The following KIF23 variants were observed in gnomAD, a reference collection of about 807,000 sequenced individuals.
The protein encoded by KIF23 is kinesin family member 23.
In KIF23, 30 loss-of-function variants were observed where a neutral mutation model predicts 137.5. The observed-to-expected ratio is 0.22, with a 90% CI of 0.16 to 0.30. The LOEUF (loss-of-function observed/expected upper bound fraction) is 0.30, where lower values mean the gene tolerates loss of function less well. Among genes scored for constraint, KIF23 ranks in the 10% least tolerant of loss-of-function variants. The probability of loss-of-function intolerance (pLI) is 1.00; values close to 1 mark genes in which losing one functional copy is unlikely to be tolerated. For missense variants in KIF23, 920 were observed against 1,194.3 expected (o/e 0.77, Z 3.38); for synonymous variants, 367 against 391.1 (o/e 0.94, Z 0.73).
Position 69,414,452 on chromosome 15 carries a change from T to G in KIF23, c.-14T>G. 1.3e-6 allele frequency: 2 copies of G among 1,587,402 alleles called. No homozygotes were observed. The highest frequency in any genetic ancestry group is 1.7e-6 in the Non-Finnish European group (2 of 1,167,364). ...GTCCCGCATGCGCGTTTGGGCGGCG[T>G]GGAGCCTGCTGCCATGAAGTCAGCG... On this transcript the variant is annotated 5_prime_UTR_variant, in exon 1 of 24. Transcript: ENST00000679126.
intron 6 of KIF23, chr15:69,422,936 G>T (rs1374310524): frequency 2.1e-5 from 8 of 381,296 alleles, no homozygotes; most frequent in Non-Finnish European, 3.8e-5. Context: ...TAGTAGCTGG[G>T]ATTAGAGGCA....
chr15:69,419,080 G>A (rs1015747808), intron 3 of KIF23, among the ~76,000 whole-genome samples: 1 of 152,292 alleles, frequency 6.6e-6, no homozygotes, highest in South Asian at 2.1e-4. Flanking sequence ...TCGCGCCATT[G>A]CACTCCAGCT....
At chr15:69,422,823 CAG>C (rs1379999319) in intron 6 of KIF23, 4 of 235,516 alleles carry the variant, frequency 1.7e-5, no homozygotes, top group Non-Finnish European at 2.4e-5. Context: ...TTTTTTGAGA[CAG>C]AGTCTCACTT....
chr15:69,434,947 G>C, intron 11 of KIF23: 1 of 655,354 alleles, frequency 1.5e-6, no homozygotes, highest in East Asian at 2.6e-5. Flanking sequence ...GCGGGCATGA[G>C]GATGGGCGAG....
At position 69,443,228 on chromosome 15, in the gene KIF23, G is replaced by A. The variant is rs113662944; in HGVS notation, c.2422-1562G>A. On this transcript the variant is annotated intron_variant, in intron 19 of 23. Coordinates refer to ENST00000679126, the MANE Select transcript of KIF23 (RefSeq NM_001367805.3). ...ATAGCGAAAATGATTCAGTTCCTCA[G>A]ATGTGCATTTTGAAATTGAGGTCTT... Among the ~76,000 whole-genome samples the A allele has an allele frequency of 6.3e-3, 956 of 150,882 alleles. 7 individuals are homozygous for A. The highest frequency in any genetic ancestry group is 0.022 in the African/African-American group (902 of 41,238).
At chr15:69,446,686 T>C (rs2057746631) in intron 22 of KIF23, 185 bp from the exon 23 acceptor site, 5 of 661,978 alleles carry the variant, frequency 7.6e-6, no homozygotes, top group Non-Finnish European at 1.3e-5. Flanking sequence ...AAGACCTTTC[T>C]GGCTCACAAC....
At chr15:69,433,923 C>G (rs902610699) in intron 11 of KIF23, among the ~76,000 whole-genome samples, 1 of 152,228 alleles carries the variant, frequency 6.6e-6, no homozygotes, top group African/African-American at 2.4e-5. Context: ...TTATGTACAG[C>G]AGTGTTTTTC....
intron 2 of KIF23, 37 bp from the exon 3 acceptor site, chr15:69,417,346 C>A: frequency 1.3e-6 from 2 of 1,524,976 alleles, no homozygotes; most frequent in African/African-American, 1.4e-5. Context: ...GGCAAAAGGT[C>A]GAACTTTCTT....
In KIF23 at chr15:69,426,252, G is replaced by A. The variant is rs201921132; in HGVS notation, c.889+70G>A. 6.9e-6 allele frequency: 11 copies of A among 1,597,380 alleles called. No homozygotes were observed. In the East Asian group the frequency reaches 2.2e-4, roughly 32 times the overall value. ...ACCTAGAGTTGCTACTAAGTTTGAT[G>A]GCAATTTTTTTTGACTTATTAGAAA... On this transcript the variant is annotated intron_variant, in intron 9 of 23. Coordinates refer to ENST00000679126, the MANE Select transcript of KIF23 (RefSeq NM_001367805.3).
intron 11 of KIF23, chr15:69,435,034 G>A (rs976213392): frequency 3.5e-6 from 2 of 577,974 alleles, no homozygotes; most frequent in Non-Finnish European, 6.2e-6. Flanking sequence ...TCTCCCTGGT[G>A]TGGTCCCCAT....
In KIF23 at chr15:69,421,984, C is replaced by T; in HGVS notation, c.317-8C>T. On this transcript the variant is annotated splice_region_variant and splice_polypyrimidine_tract_variant and intron_variant, in intron 4 of 23. Coordinates refer to ENST00000679126, the MANE Select transcript of KIF23 (RefSeq NM_001367805.3). ...AGATATAACTCATTGTGACTTGCTACACTGTAGGTCTTCTTTTTACATATG... is the reference window on the plus strand; with the variant it reads ...AGATATAACTCATTGTGACTTGCTATACTGTAGGTCTTCTTTTTACATATG... The T allele has an allele frequency of 6.2e-7, 1 of 1,613,216 alleles. No homozygotes were observed. Among genetic ancestry groups the T allele is most frequent in the Non-Finnish European group, 8.5e-7 (1 of 1,179,630 alleles).
intron 3 of KIF23, among the ~76,000 whole-genome samples, chr15:69,420,201 T>C (rs1183096138): frequency 6.6e-6 from 1 of 151,746 alleles, no homozygotes; most frequent in African/African-American, 2.4e-5. Flanking sequence ...GAGGCAGAGG[T>C]TGCAGTGAGC....
chr15:69,427,483 C>T (rs1317259010), intron 10 of KIF23: 1 of 452,386 alleles, frequency 2.2e-6, no homozygotes, highest in Non-Finnish European at 4.4e-6. Context: ...GATTTTTTCT[C>T]TCTGGCGACT....
rs1479083633 is a variant in KIF23 at position 69,448,361 on chromosome 15, G to GT, written c.*555dup. 1 of 152,616 alleles carries GT rather than the reference G, an allele frequency of 6.6e-6. No homozygotes were observed. The highest frequency in any genetic ancestry group is 1.5e-5 in the Non-Finnish European group (1 of 68,034). The allele number at this position is 152,616 out of a possible 1,614,324, so 9.5% of individuals were successfully genotyped here. ...TAGGAAGGTGTTTTGAATTCTGTAT[G>GT]TATATATTCACTTTCTGACATTTAG... On this transcript the variant is annotated 3_prime_UTR_variant, in exon 24 of 24. Coordinates refer to ENST00000679126, the MANE Select transcript of KIF23 (RefSeq NM_001367805.3).
intron 16 of KIF23, 144 bp downstream of exon 16, chr15:69,438,549 A>C: frequency 1.6e-6 from 1 of 645,032 alleles, no homozygotes; most frequent in African/African-American, 1.9e-5. Context: ...GGTAATTCCA[A>C]CACTTTGGGA....
chr15:69,439,049 G>A (rs1466282398), intron 16 of KIF23, among the ~76,000 whole-genome samples: 3 of 151,406 alleles, frequency 2.0e-5, no homozygotes, highest in Non-Finnish European at 4.4e-5. Context: ...AGTGAGCTGG[G>A]ATTGCACGAC....
At chr15:69,434,931 C>T (rs1276107533) in intron 11 of KIF23, 2 of 688,058 alleles carry the variant, frequency 2.9e-6, no homozygotes, top group Non-Finnish European at 5.0e-6. Flanking sequence ...CAGGTTGCAG[C>T]TGTACGCGGG....
intron 11 of KIF23, chr15:69,434,702 C>T (rs1360673004): frequency 4.9e-6 from 7 of 1,439,758 alleles, no homozygotes; most frequent in African/African-American, 1.4e-5. Flanking sequence ...GCCAGAGCCT[C>T]AGATTGGGAG....
chr15:69,415,514 C>A (rs1194555695), intron 1 of KIF23, among the ~76,000 whole-genome samples: 1 of 152,082 alleles, frequency 6.6e-6, no homozygotes, highest in Non-Finnish European at 1.5e-5. Flanking sequence ...CAGTTTGGGA[C>A]CAGATTTTGT....
Sources: gnomAD v4.1 joint callset for allele counts (sites outside exome capture counted in the v4.1 genomes callset) on GRCh38, gnomAD v4.1.1 for gene constraint, MANE v1.5 for transcripts, NCBI Gene and HGNC (gene_info 2026-07-23, HGNC 2026-07-21) for gene names.